ASAP1: variants seen among roughly 807,000 people sequenced by gnomAD.
The protein encoded by ASAP1 is ArfGAP with SH3 domain, ankyrin repeat and PH domain 1.
ASAP1 carries 43 observed loss-of-function variants against 145.2 expected under a neutral mutation model. The observed-to-expected ratio is 0.30, with a 90% CI of 0.23 to 0.38. The LOEUF (loss-of-function observed/expected upper bound fraction) is 0.38. Among genes scored for constraint, ASAP1 ranks in the 10% least tolerant of loss-of-function variants. The pLI is 1.00. For missense variants in ASAP1, 1,018 were observed against 1,355.3 expected, an observed-to-expected ratio of 0.75 and a Z score of 3.91; for synonymous variants, 546 against 515.5, an observed-to-expected ratio of 1.06 and a Z score of -0.80.
At chr8:130,193,192 A>C (rs1312266362) in intron 5 of ASAP1, among the ~76,000 whole-genome samples, 2 of 152,098 alleles carry the variant, frequency 1.3e-5, no homozygotes, top group African/African-American at 4.8e-5. Context: ...AACAAGATGA[A>C]ACCCTGCCTC....
chr8:130,162,372 G>C (rs2097670982), intron 11 of ASAP1, among the ~76,000 whole-genome samples: 1 of 152,166 alleles, frequency 6.6e-6, no homozygotes, highest in Non-Finnish European at 1.5e-5. Context: ...AAAATGGATT[G>C]GGTTGCAGGG....
chr8:130,282,293 G>GA (rs1821301498), intron 3 of ASAP1, among the ~76,000 whole-genome samples: 1 of 152,054 alleles, frequency 6.6e-6, no homozygotes, highest in South Asian at 2.1e-4. Context: ...TGCCAAATAG[G>GA]AAAAAATAAA....
intron 26 of ASAP1, among the ~76,000 whole-genome samples, chr8:130,076,952 T>C (rs1043961042): frequency 6.6e-6 from 1 of 152,250 alleles, no homozygotes. Context: ...AAAGCATTTA[T>C]GAAGGCACCT....
At chr8:130,342,879 C>T (rs1014207184) in intron 3 of ASAP1, among the ~76,000 whole-genome samples, 4 of 152,168 alleles carry the variant, frequency 2.6e-5, no homozygotes, top group Non-Finnish European at 4.4e-5. Context: ...ACCCCTCTCT[C>T]CAAGATACTT....
At chr8:130,397,696 CA>C (rs745755607) in intron 2 of ASAP1, among the ~76,000 whole-genome samples, 2 of 152,286 alleles carry the variant, frequency 1.3e-5, no homozygotes, top group South Asian at 4.2e-4. Flanking sequence ...TCAGCTTACC[CA>C]CTGATGTGGG....
chr8:130,399,684 C>T (rs1828688768), intron 2 of ASAP1, among the ~76,000 whole-genome samples: 1 of 152,058 alleles, frequency 6.6e-6, no homozygotes, highest in Non-Finnish European at 1.5e-5. Context: ...GAAGTAATTA[C>T]AATGCCCTAT....
At chr8:130,243,349 GAAT>G (rs772700699) in intron 3 of ASAP1, among the ~76,000 whole-genome samples, 36 of 152,086 alleles carry the variant, frequency 2.4e-4, no homozygotes, top group Non-Finnish European at 4.7e-4. Context: ...AACTCCGTAA[GAAT>G]AATACCAGGA....
intron 24 of ASAP1, among the ~76,000 whole-genome samples, chr8:130,092,643 G>A (rs572399088): frequency 1.3e-5 from 2 of 152,210 alleles, no homozygotes; most frequent in East Asian, 1.9e-4. Flanking sequence ...AGAAGAGTGT[G>A]TGCTTTTAGG....
At chr8:130,256,341 T>C (rs753779188) in intron 3 of ASAP1, among the ~76,000 whole-genome samples, 1 of 144,174 alleles carries the variant, frequency 6.9e-6, no homozygotes, top group African/African-American at 2.6e-5. Flanking sequence ...CCCTAGCTCA[T>C]ACATTCAGAC....
intron 3 of ASAP1, among the ~76,000 whole-genome samples, chr8:130,352,121 T>C (rs1768528702): frequency 6.6e-6 from 1 of 152,152 alleles, no homozygotes. Flanking sequence ...TTTGTTGTAT[T>C]ATCTTCAAGA....
chr8:130,303,679 C>T (rs1256798995), intron 3 of ASAP1, among the ~76,000 whole-genome samples: 1 of 152,088 alleles, frequency 6.6e-6, no homozygotes, highest in East Asian at 1.9e-4. Context: ...AGGCTACATA[C>T]TTTACTTTAT....
intron 3 of ASAP1, among the ~76,000 whole-genome samples, chr8:130,306,193 A>T (rs565176787): frequency 6.6e-6 from 1 of 152,334 alleles, no homozygotes; most frequent in East Asian, 1.9e-4. Flanking sequence ...TTCAGGGAAA[A>T]TTATGTATAG....
intron 3 of ASAP1, among the ~76,000 whole-genome samples, chr8:130,357,381 G>A (rs1167906288): frequency 2.6e-5 from 4 of 152,212 alleles, no homozygotes; most frequent in Non-Finnish European, 5.9e-5. Flanking sequence ...GCAGCCCTAA[G>A]CCCTACCAAA....
intron 3 of ASAP1, among the ~76,000 whole-genome samples, chr8:130,330,496 G>C (rs1824615578): frequency 6.6e-6 from 1 of 152,132 alleles, no homozygotes; most frequent in African/African-American, 2.4e-5. Flanking sequence ...AACACCTTTG[G>C]GACAGAAAGC....
chr8:130,306,227 T>C (rs1332753664), intron 3 of ASAP1, among the ~76,000 whole-genome samples: 1 of 152,204 alleles, frequency 6.6e-6, no homozygotes, highest in Non-Finnish European at 1.5e-5. Flanking sequence ...CTGCAGGCAA[T>C]CTAGCAGAGT....
At chr8:130,345,156 A>T (rs1461169213) in intron 3 of ASAP1, among the ~76,000 whole-genome samples, 1 of 152,206 alleles carries the variant, frequency 6.6e-6, no homozygotes, top group Non-Finnish European at 1.5e-5. Flanking sequence ...TGTGTGGACG[A>T]AATGAGAATA....
intron 4 of ASAP1, among the ~76,000 whole-genome samples, chr8:130,236,400 A>T (rs183854561): frequency 1.3e-3 from 198 of 152,154 alleles, no homozygotes; most frequent in Non-Finnish European, 2.5e-3. Context: ...GTCACTAGAC[A>T]GTTAAAACAT....
At position 130,403,829 on chromosome 8, in the gene ASAP1, C is replaced by T. The variant is rs373010313; in HGVS notation, c.-27-1859G>A. 5.9e-5 allele frequency among the ~76,000 whole-genome samples: 9 copies of T among 152,134 alleles called. No individual in the cohort carries two copies. In the East Asian group the frequency reaches 1.5e-3, roughly 26 times the overall value. On this transcript the variant is annotated intron_variant, in intron 1 of 29. Transcript: ENST00000518721. Reference sequence around the variant, plus strand: ...TTGGCCTCCCAAAGTGCTGGGATTACAGGTGTGAGCCTCTGTGCCCGGCCC... The same window carrying T: ...TTGGCCTCCCAAAGTGCTGGGATTATAGGTGTGAGCCTCTGTGCCCGGCCC...
intron 29 of ASAP1, among the ~76,000 whole-genome samples, chr8:130,056,644 G>T (rs2097404869): frequency 6.6e-6 from 1 of 152,216 alleles, no homozygotes; most frequent in African/African-American, 2.4e-5. Flanking sequence ...AGGAAGAAAA[G>T]TCAAAGGTGA....
Sources: gnomAD v4.1 joint callset for allele counts (sites outside exome capture counted in the v4.1 genomes callset) on GRCh38, gnomAD v4.1.1 for gene constraint, MANE v1.5 for transcripts, NCBI Gene and HGNC (gene_info 2026-07-23, HGNC 2026-07-21) for gene names.